SLA: variants seen among roughly 807,000 people sequenced by gnomAD.
SLA encodes the protein Src like adaptor.
SLA carries 16 observed loss-of-function variants against 30.3 expected under a neutral mutation model. The ratio of observed to expected loss-of-function variants is 0.53; its 90% CI spans 0.36 to 0.80. The LOEUF is 0.80. SLA is among the 30% of genes least tolerant of loss of function. SLA has a pLI of 0.01. For missense variants in SLA, 310 were observed against 345.2 expected (o/e 0.90, Z 0.81); for synonymous variants, 143 against 137.8 (o/e 1.04, Z -0.26).
chr8:133,100,746 C>T lies in SLA; in HGVS notation c.-319+1807G>A, dbSNP rs546595843. ...ACGGTATGCTGGGTACTGAAATGTACACAAACCCAGCTAGAATAAAGGCTA... is the reference window on the plus strand; with the variant it reads ...ACGGTATGCTGGGTACTGAAATGTATACAAACCCAGCTAGAATAAAGGCTA... On this transcript the variant is annotated intron_variant, in intron 1 of 8. Coordinates refer to ENST00000338087, the MANE Select transcript of SLA (RefSeq NM_001045556.3). Among the ~76,000 whole-genome samples, 26 of 152,316 alleles carry T rather than the reference C, an allele frequency of 1.7e-4. 1 individual carries two copies. The highest frequency in any genetic ancestry group is 1.0e-3 in the South Asian group (5 of 4,826).
intron 1 of SLA, among the ~76,000 whole-genome samples, chr8:133,099,660 T>C (rs757010851): frequency 2.6e-5 from 4 of 152,186 alleles, no homozygotes; most frequent in Non-Finnish European, 5.9e-5. Context: ...TTCTGTAGTC[T>C]TCACCATCTC....
chr8:133,077,654 G>A (rs945676533), intron 1 of SLA, among the ~76,000 whole-genome samples: 2 of 152,118 alleles, frequency 1.3e-5, no homozygotes, highest in African/African-American at 4.8e-5. Flanking sequence ...TCAAATCTTA[G>A]GCCTCTGTTT....
rs79606434 is a variant in SLA at position 133,053,531 on chromosome 8, C to T, written c.62-2616G>A. 5.6e-4 allele frequency among the ~76,000 whole-genome samples: 85 copies of T among 152,212 alleles called. 1 individual carries two copies. In the East Asian group the frequency reaches 0.014, roughly 26 times the overall value. ...GCTGGGTAGGTGGCCATTGTGGAAC[C>T]AGCCCCTTGCAAAAAACGTGTTGAA... On this transcript the variant is annotated intron_variant, in intron 3 of 8. Coordinates refer to ENST00000338087, the MANE Select transcript of SLA (RefSeq NM_001045556.3).
At chr8:133,085,662 A>G (rs895457278) in intron 1 of SLA, among the ~76,000 whole-genome samples, 2 of 152,266 alleles carry the variant, frequency 1.3e-5, no homozygotes, top group African/African-American at 2.4e-5. Flanking sequence ...ATAATGAGAT[A>G]TTAACTCACA....
intron 2 of SLA, among the ~76,000 whole-genome samples, chr8:133,072,478 A>T (rs1844214684): frequency 2.0e-5 from 3 of 152,236 alleles, no homozygotes; most frequent in Non-Finnish European, 4.4e-5. Context: ...AGATAGATAG[A>T]TGGACAGATA....
intron 2 of SLA, chr8:133,063,610 A>T (rs1314517047): frequency 1.3e-5 from 2 of 152,140 alleles, no homozygotes; most frequent in African/African-American, 4.8e-5. Context: ...AGTTTGAGTC[A>T]GTCCTAGAGG....
At chr8:133,040,189 G>A (rs1837956360) in intron 7 of SLA, 59 bp from the exon 8 acceptor site, 3 of 1,541,514 alleles carry the variant, frequency 1.9e-6, no homozygotes, top group African/African-American at 1.4e-5. Flanking sequence ...CCAGTGTGGG[G>A]TTCAGGCCTG....
At chr8:133,099,531 T>C (rs1222768163) in intron 1 of SLA, among the ~76,000 whole-genome samples, 2 of 152,210 alleles carry the variant, frequency 1.3e-5, no homozygotes, top group Non-Finnish European at 2.9e-5. Context: ...AACTCTGAAC[T>C]GGTTTAGCCA....
intron 7 of SLA, 73 bp from the exon 8 acceptor site, chr8:133,040,203 C>T (rs1312599751): frequency 6.7e-7 from 1 of 1,501,660 alleles, no homozygotes; most frequent in Non-Finnish European, 9.0e-7. Flanking sequence ...AGGCCTGAGA[C>T]ACTCTCCAGT....
intron 6 of SLA, chr8:133,047,261 G>T (rs564651524): frequency 1.3e-5 from 2 of 152,632 alleles, no homozygotes; most frequent in Admixed American, 1.3e-4. Context: ...TGTAATGCTA[G>T]TGATGATGGT....
chr8:133,060,462 G>A lies in SLA; in HGVS notation c.-40-262C>T, dbSNP rs1842210521. 7.8e-6 allele frequency: 9 copies of A among 1,150,216 alleles called. No individual in the cohort carries two copies. The Admixed American group carries it at 8.6e-5, about 11-fold the overall frequency. The allele number at this position is 1,150,216 out of a possible 1,614,324, so 71.3% of individuals were successfully genotyped here. ...TGGTGGCAAAAGTTTCCATTCCTCC[G>A]CACCCTTGCTGAGGATGGTAAGCAG... On this transcript the variant is annotated intron_variant, in intron 2 of 8. Transcript: ENST00000338087.
chr8:133,080,570 G>C (rs1049206781), intron 1 of SLA, among the ~76,000 whole-genome samples: 1 of 152,130 alleles, frequency 6.6e-6, no homozygotes, highest in African/African-American at 2.4e-5. Flanking sequence ...TCCTCAAGCA[G>C]CTGCCCCAAA....
chr8:133,093,135 TTTTC>T (rs1472225799), intron 1 of SLA, among the ~76,000 whole-genome samples: 1 of 69,870 alleles, frequency 1.4e-5, no homozygotes, highest in African/African-American at 5.7e-5. Context: ...TTTTCTTTTC[TTTTC>T]TTTTTTTTTT....
At chr8:133,046,693 G>A (rs898361269) in intron 6 of SLA, 3 of 152,184 alleles carry the variant, frequency 2.0e-5, no homozygotes, top group African/African-American at 4.8e-5. Context: ...TCTGAGTCGG[G>A]GCATCCTGCC....
At chr8:133,087,300 G>T (rs925067995) in intron 1 of SLA, among the ~76,000 whole-genome samples, 1 of 152,136 alleles carries the variant, frequency 6.6e-6, no homozygotes, top group Non-Finnish European at 1.5e-5. Flanking sequence ...AGCTAAGGTC[G>T]CACTGATGGA....
At chr8:133,044,942 G>T in intron 7 of SLA, 42 bp downstream of exon 7, 1 of 1,608,538 alleles carries the variant, frequency 6.2e-7, no homozygotes, top group Non-Finnish European at 8.5e-7. Context: ...TAGCTAAGAG[G>T]GGTCCCACCA....
chr8:133,057,733 T>A (rs1419404084), intron 3 of SLA, among the ~76,000 whole-genome samples: 1 of 146,118 alleles, frequency 6.8e-6, no homozygotes, highest in African/African-American at 2.5e-5. Context: ...AATTGACTAA[T>A]CAAGAATATT....
chr8:133,086,881 C>A (rs768277191), intron 1 of SLA, among the ~76,000 whole-genome samples: 15 of 152,154 alleles, frequency 9.9e-5, no homozygotes, highest in Non-Finnish European at 1.8e-4. Context: ...TCATTGCCTG[C>A]AGGTGCCCCT....
At position 133,072,403 on chromosome 8, in the gene SLA, T is replaced by G. The variant is rs572791764; in HGVS notation, c.-41+2450A>C. 6.6e-5 allele frequency among the ~76,000 whole-genome samples: 10 copies of G among 152,274 alleles called. 1 individual carries two copies. The East Asian group carries it at 1.9e-3, about 29-fold the overall frequency. On this transcript the variant is annotated intron_variant, in intron 2 of 8. Coordinates refer to ENST00000338087, the MANE Select transcript of SLA (RefSeq NM_001045556.3). ...AGGAAGTCGATCACATGATGTGACC[T>G]CAATGGATATTTTATTGCAGGAAGA...
Sources: gnomAD v4.1 joint callset for allele counts (sites outside exome capture counted in the v4.1 genomes callset) on GRCh38, gnomAD v4.1.1 for gene constraint, MANE v1.5 for transcripts, NCBI Gene and HGNC (gene_info 2026-07-23, HGNC 2026-07-21) for gene names.